The following SYT6 variants were observed in gnomAD, a reference collection of about 807,000 sequenced individuals.
The protein encoded by SYT6 is synaptotagmin 6, also known as synaptotagmin-6.
In SYT6, 24 loss-of-function variants were observed where a neutral mutation model predicts 38.4. The ratio of observed to expected loss-of-function variants is 0.62; its 90% CI spans 0.45 to 0.88. SYT6 has a LOEUF of 0.88. SYT6 is among the 40% of genes least tolerant of loss of function. The pLI, the probability that SYT6 is intolerant of heterozygous loss-of-function variation, is 0.00. For synonymous variants in SYT6, 265 were observed against 241.9 expected, an observed-to-expected ratio of 1.10 and a Z score of -0.89; for missense variants, 611 against 621.0, an observed-to-expected ratio of 0.98 and a Z score of 0.17.
rs766978733 is a variant in SYT6 at position 114,099,249 on chromosome 1, C to T, written c.1209G>A (p.Val403=). 1.1e-5 allele frequency: 17 copies of T among 1,612,906 alleles called. No homozygotes were observed. In the East Asian group the frequency reaches 3.8e-4, roughly 36 times the overall value. ...GCCTCCGCCCATCACAGAGCAAGGA[C>T]ACTTTCACATAGGGATCTGTGCCAA... ...ITGYSDPYVK[V]SLLCDGRRLK... is the part of the protein sequence containing the mutation. Residue 403 remains valine (V), a synonymous_variant, in exon 5 of 8, where the codon GTG becomes GTA. Transcript: ENST00000610222.
intron 6 of SYT6, among the ~76,000 whole-genome samples, chr1:114,095,999 C>A (rs945425262): frequency 2.0e-5 from 3 of 150,788 alleles, no homozygotes; most frequent in East Asian, 3.9e-4. Context: ...CGACCAGAGG[C>A]CTCTTAGCTC....
At chr1:114,126,272 A>G (rs1228251933) in intron 3 of SYT6, among the ~76,000 whole-genome samples, 2 of 152,130 alleles carry the variant, frequency 1.3e-5, no homozygotes, top group Non-Finnish European at 2.9e-5. Flanking sequence ...GACCACCCCC[A>G]AGTCCATGAA....
chr1:114,104,087 C>G (rs113293459), intron 3 of SYT6, among the ~76,000 whole-genome samples: 2,902 of 152,324 alleles, frequency 0.019, 87 homozygotes, highest in African/African-American at 0.066. Flanking sequence ...GCCCACCCTT[C>G]TCAGTCACTG....
intron 3 of SYT6, among the ~76,000 whole-genome samples, chr1:114,124,347 C>T (rs185884913): frequency 1.3e-5 from 2 of 152,052 alleles, no homozygotes; most frequent in East Asian, 1.9e-4. Context: ...AAGATGGGGC[C>T]GGAACTGAGC....
rs1316329020 is a variant in SYT6 at position 114,138,060 on chromosome 1, G to A, written c.513-7C>T. 1 of 1,611,002 alleles carries A rather than the reference G, an allele frequency of 6.2e-7. No homozygotes were observed. Among genetic ancestry groups the A allele is most frequent in the African/African-American group, 1.3e-5 (1 of 74,976 alleles). On this transcript the variant is annotated splice_polypyrimidine_tract_variant and splice_region_variant and intron_variant, in intron 2 of 7. Coordinates refer to ENST00000610222, the MANE Select transcript of SYT6 (RefSeq NM_001253772.2). ...GCGCTTGAAGGACGTGTGCCTGGTA[G>A]AGGGCAGGAGGGGGCAGAGGGAGTG...
chr1:114,138,966 C>A (rs1033683836), intron 2 of SYT6, among the ~76,000 whole-genome samples: 9 of 152,192 alleles, frequency 5.9e-5, no homozygotes, highest in East Asian at 5.8e-4. Context: ...GTTGCAGGGA[C>A]CTAGGAGTCC....
intron 3 of SYT6, among the ~76,000 whole-genome samples, chr1:114,122,903 C>T (rs1355429362): frequency 6.6e-6 from 1 of 152,180 alleles, no homozygotes; most frequent in African/African-American, 2.4e-5. Flanking sequence ...CACCTTGAGC[C>T]CTAATCCCCT....
Position 114,091,010 on chromosome 1 carries a change from C to T in SYT6, c.*1124G>A, listed in dbSNP as rs912481911. The T allele has an allele frequency of 1.3e-5, 2 of 152,924 alleles. No individual in the cohort carries two copies. Among genetic ancestry groups the T allele is most frequent in the Non-Finnish European group, 1.5e-5 (1 of 68,036 alleles). The allele number at this position is 152,924 out of a possible 1,614,324, so 9.5% of individuals were successfully genotyped here. A position where few individuals can be genotyped will look rare whatever the true frequency, so the allele number is the denominator to read the frequency against. On this transcript the variant is annotated 3_prime_UTR_variant, in exon 8 of 8. Coordinates refer to ENST00000610222, the MANE Select transcript of SYT6 (RefSeq NM_001253772.2). ...GGGCTGAAATAGGCTTACGCTGACTCGGTTTCAATCAAAAACATACTCTTC... is the reference window on the plus strand; with the variant it reads ...GGGCTGAAATAGGCTTACGCTGACTTGGTTTCAATCAAAAACATACTCTTC...
At chr1:114,129,912 T>G (rs1407165286) in intron 3 of SYT6, among the ~76,000 whole-genome samples, 1 of 151,644 alleles carries the variant, frequency 6.6e-6, no homozygotes, top group Non-Finnish European at 1.5e-5. Flanking sequence ...CTCAAAATCC[T>G]GGCCTCACAT....
intron 3 of SYT6, among the ~76,000 whole-genome samples, chr1:114,129,548 T>A (rs1677960837): frequency 6.9e-6 from 1 of 144,922 alleles, no homozygotes; most frequent in Non-Finnish European, 1.6e-5. Flanking sequence ...CTTTTTTTTC[T>A]GTCTTTTTTT....
chr1:114,097,210 C>T (rs1441678497), intron 6 of SYT6, among the ~76,000 whole-genome samples: 3 of 152,228 alleles, frequency 2.0e-5, no homozygotes, highest in African/African-American at 7.2e-5. Context: ...AGCGTGACAC[C>T]TTGAGGCCAT....
At chr1:114,117,415 T>C (rs1677067099) in intron 3 of SYT6, among the ~76,000 whole-genome samples, 1 of 152,240 alleles carries the variant, frequency 6.6e-6, no homozygotes, top group Non-Finnish European at 1.5e-5. Flanking sequence ...CCCCACTGCC[T>C]GCCTGGTGGG....
intron 1 of SYT6, among the ~76,000 whole-genome samples, chr1:114,148,310 T>C (rs1353921635): frequency 6.6e-6 from 1 of 152,136 alleles, no homozygotes; most frequent in Non-Finnish European, 1.5e-5. Context: ...ATCAGAAAAA[T>C]CCATTTTGTA....
At chr1:114,101,231 G>T (rs1382544901) in intron 4 of SYT6, among the ~76,000 whole-genome samples, 1 of 152,090 alleles carries the variant, frequency 6.6e-6, no homozygotes, top group East Asian at 1.9e-4. Flanking sequence ...TCCCTTGCAG[G>T]AACCAACACT....
intron 6 of SYT6, among the ~76,000 whole-genome samples, 155 bp from the exon 7 acceptor site, chr1:114,093,958 C>T (rs1346769095): frequency 6.6e-6 from 1 of 152,150 alleles, no homozygotes; most frequent in Non-Finnish European, 1.5e-5. Context: ...CTGTTACAAC[C>T]TTTACTGTTG....
At chr1:114,141,080 A>G (rs1678841318) in intron 1 of SYT6, among the ~76,000 whole-genome samples, 3 of 152,334 alleles carry the variant, frequency 2.0e-5, no homozygotes, top group South Asian at 2.1e-4. Flanking sequence ...AATTAGGCCA[A>G]TTGATAACCT....
intron 6 of SYT6, among the ~76,000 whole-genome samples, chr1:114,094,446 A>C (rs1000985705): frequency 3.3e-5 from 5 of 152,218 alleles, no homozygotes; most frequent in Non-Finnish European, 7.3e-5. Context: ...AGCGCTGGTC[A>C]ACTCTGTGTG....
intron 2 of SYT6, 145 bp from the exon 3 acceptor site, chr1:114,138,198 T>A: frequency 1.3e-6 from 1 of 757,094 alleles, no homozygotes; most frequent in Non-Finnish European, 2.1e-6. Flanking sequence ...CCACTTTTGC[T>A]CTGCATACAC....
At chr1:114,129,523 T>TC (rs1491572003) in intron 3 of SYT6, among the ~76,000 whole-genome samples, 2 of 151,914 alleles carry the variant, frequency 1.3e-5, no homozygotes, top group Admixed American at 6.6e-5. Flanking sequence ...TCTTTGTTTT[T>TC]CTCTTTCTTT....
Sources: gnomAD v4.1 joint callset for allele counts (sites outside exome capture counted in the v4.1 genomes callset) on GRCh38, gnomAD v4.1.1 for gene constraint, MANE v1.5 for transcripts, NCBI Gene and HGNC (gene_info 2026-07-23, HGNC 2026-07-21) for gene names.